VPS50: variants seen among roughly 807,000 people sequenced by gnomAD.
VPS50 encodes syndetin.
Under a neutral mutation model 139.7 loss-of-function variants are expected in VPS50, and 70 were observed. The observed-to-expected ratio is 0.50, with a 90% confidence interval of 0.41 to 0.61. The LOEUF is 0.61. VPS50 is among the 20% of genes least tolerant of loss of function. The pLI is 0.00. For synonymous variants in VPS50, 365 were observed against 376.7 expected, an observed-to-expected ratio of 0.97 and a Z score of 0.36; for missense variants, 921 against 1,133.7, an observed-to-expected ratio of 0.81 and a Z score of 2.69.
rs1798797629 is a variant in VPS50, at chr7:93,359,811, G to A, written c.*1375G>A. 6.6e-6 allele frequency: 1 copy of A among 152,154 alleles called. No homozygotes were observed. Among genetic ancestry groups the A allele is most frequent in the Non-Finnish European group, 1.5e-5 (1 of 68,020 alleles). The allele number at this position is 152,154 out of a possible 1,614,324, so 9.4% of individuals were successfully genotyped here. A position where few individuals can be genotyped will look rare whatever the true frequency, so the allele number is the denominator to read the frequency against. ...CTCTGTGTCCATCAGTCCCTGCGATGTCTGTAAATGCACAGTGTAATGTGA... is the reference window on the plus strand; with the variant it reads ...CTCTGTGTCCATCAGTCCCTGCGATATCTGTAAATGCACAGTGTAATGTGA... On this transcript the variant is annotated 3_prime_UTR_variant, in exon 28 of 28. Coordinates refer to ENST00000305866, the MANE Select transcript of VPS50 (RefSeq NM_017667.4).
intron 19 of VPS50, among the ~76,000 whole-genome samples, chr7:93,310,586 T>G (rs1233333563): frequency 6.6e-6 from 1 of 152,122 alleles, no homozygotes; most frequent in African/African-American, 2.4e-5. Flanking sequence ...CAGAGATATC[T>G]GGCCTTTACT....
At chr7:93,292,800 T>C (rs1796688481) in intron 13 of VPS50, among the ~76,000 whole-genome samples, 1 of 152,080 alleles carries the variant, frequency 6.6e-6, no homozygotes, top group South Asian at 2.1e-4. Context: ...GAAAATTCCA[T>C]GAATGGATTT....
chr7:93,233,264 C>T (rs76764300), intron 1 of VPS50, among the ~76,000 whole-genome samples: 3,278 of 152,228 alleles, frequency 0.022, 133 homozygotes, highest in African/African-American at 0.074. Flanking sequence ...TTGATTATGA[C>T]TTTGTTTTAG....
intron 23 of VPS50, among the ~76,000 whole-genome samples, chr7:93,347,964 A>T (rs1239400737): frequency 1.3e-5 from 2 of 151,848 alleles, no homozygotes; most frequent in Non-Finnish European, 2.9e-5. Flanking sequence ...TACCCTAAAA[A>T]AGTATTATAA....
At chr7:93,260,508 T>C (rs768190378) in intron 9 of VPS50, among the ~76,000 whole-genome samples, 2 of 152,168 alleles carry the variant, frequency 1.3e-5, no homozygotes, top group African/African-American at 2.4e-5. Flanking sequence ...AGAATTATAA[T>C]AGAGCAAAAC....
rs936076968 is a variant in VPS50, at chr7:93,252,576, C to G, written c.103-77C>G. 3 of 992,630 alleles carry G rather than the reference C, an allele frequency of 3.0e-6. No individual in the cohort carries two copies. The African/African-American group carries it at 5.0e-5, about 16-fold the overall frequency. 61.5% of individuals were successfully genotyped at this position (992,630 alleles called of 1,614,324 possible). On this transcript the variant is annotated intron_variant, in intron 2 of 27. Transcript: ENST00000305866. ...TTCCAGGTAGATGTGACTGTTAAGA[C>G]AAATGATCATTTATTTCCATGCAGA...
At chr7:93,325,571 C>G in intron 21 of VPS50, among the ~76,000 whole-genome samples, 1 of 151,934 alleles carries the variant, frequency 6.6e-6, no homozygotes, top group Non-Finnish European at 1.5e-5. Context: ...GGCTAATATC[C>G]AGAATCTACA....
intron 12 of VPS50, among the ~76,000 whole-genome samples, chr7:93,280,190 A>G (rs1408404721): frequency 1.3e-5 from 2 of 152,096 alleles, no homozygotes; most frequent in African/African-American, 4.8e-5. Context: ...TTGCAGTTGA[A>G]TGTACTTTTT....
intron 14 of VPS50, chr7:93,295,578 A>C (rs1796784601): frequency 6.6e-6 from 1 of 152,202 alleles, no homozygotes; most frequent in Non-Finnish European, 1.5e-5. Context: ...ATTTCTTTGA[A>C]GATAACTTAC....
intron 1 of VPS50, among the ~76,000 whole-genome samples, chr7:93,238,396 G>A (rs1015419105): frequency 1.3e-5 from 2 of 151,824 alleles, no homozygotes; most frequent in African/African-American, 4.8e-5. Context: ...ATTGGAGCCT[G>A]ACCAATGACT....
chr7:93,272,842 G>A (rs891717596), intron 11 of VPS50, 109 bp downstream of exon 11: 16 of 567,988 alleles, frequency 2.8e-5, no homozygotes, highest in East Asian at 1.6e-4. Context: ...TTTATTTAAC[G>A]AAGTACATTT....
intron 15 of VPS50, 130 bp from the exon 16 acceptor site, chr7:93,297,015 G>T (rs894248036): frequency 6.9e-7 from 1 of 1,451,056 alleles, no homozygotes; most frequent in East Asian, 2.8e-5. Context: ...TTATGGATTT[G>T]TGATCTTTAG....
chr7:93,295,019 T>C (rs1230618603), intron 14 of VPS50, among the ~76,000 whole-genome samples: 1 of 152,214 alleles, frequency 6.6e-6, no homozygotes, highest in African/African-American at 2.4e-5. Context: ...ACTAAGTAGA[T>C]AGCATACTTA....
chr7:93,294,615 T>C lies in VPS50; in HGVS notation c.1146T>C (p.His382=). 1 of 1,598,738 alleles carries C rather than the reference T, an allele frequency of 6.3e-7. No homozygotes were observed. The highest frequency in any genetic ancestry group is 8.5e-7 in the Non-Finnish European group (1 of 1,173,978). The part of the protein sequence containing the change: ...DRGYIKKKLE[H]GLTRIWQDVQ... ...GCTACATAAAAAAGAAATTAGAACA[T>C]GGACTTACACGAATATGGCAGGTTT... The change falls in exon 14 of 28, where the codon CAT becomes CAC. Residue 382 remains histidine (H), a synonymous_variant. Coordinates refer to ENST00000305866, the MANE Select transcript of VPS50 (RefSeq NM_017667.4).
intron 12 of VPS50, among the ~76,000 whole-genome samples, chr7:93,280,174 A>G (rs1796281005): frequency 6.6e-6 from 1 of 152,064 alleles, no homozygotes; most frequent in Admixed American, 6.6e-5. Context: ...GCTTTTTGAA[A>G]TCATTTTGCA....
chr7:93,322,037 G>A (rs1245725873), intron 20 of VPS50, among the ~76,000 whole-genome samples: 3 of 152,076 alleles, frequency 2.0e-5, no homozygotes, highest in Admixed American at 2.0e-4. Context: ...AAGTCTGTGT[G>A]AAATAATTGC....
intron 4 of VPS50, among the ~76,000 whole-genome samples, chr7:93,255,402 G>A (rs1353304045): frequency 6.6e-6 from 1 of 152,098 alleles, no homozygotes; most frequent in Non-Finnish European, 1.5e-5. Flanking sequence ...CTGATGAGAG[G>A]TGGAGCTCAG....
intron 1 of VPS50, among the ~76,000 whole-genome samples, chr7:93,236,988 T>C (rs1297319984): frequency 7.7e-6 from 1 of 129,966 alleles, no homozygotes. Flanking sequence ...TCTCACTCTG[T>C]CGCCCAGGCT....
At chr7:93,242,732 A>T (rs979628574) in intron 2 of VPS50, among the ~76,000 whole-genome samples, 8 of 152,084 alleles carry the variant, frequency 5.3e-5, no homozygotes, top group African/African-American at 1.4e-4. Flanking sequence ...CTTTCTTTTC[A>T]TAGTATCTTT....
Sources: gnomAD v4.1 joint callset for allele counts (sites outside exome capture counted in the v4.1 genomes callset) on GRCh38, gnomAD v4.1.1 for gene constraint, MANE v1.5 for transcripts, NCBI Gene and HGNC (gene_info 2026-07-23, HGNC 2026-07-21) for gene names.